Variants in NF2 observed in about 807,000 individuals in gnomAD.
The protein encoded by NF2 is merlin.
A neutral mutation model predicts 83.7 loss-of-function variants in NF2; 8 were observed. That is an observed-to-expected ratio of 0.10 (90% CI 0.06 to 0.17). The LOEUF is 0.17. Among genes scored for constraint, NF2 ranks in the 10% least tolerant of loss-of-function variants. The pLI is 1.00. For missense variants in NF2, 533 were observed against 744.4 expected, an observed-to-expected ratio of 0.72 and a Z score of 3.31; for synonymous variants, 266 against 269.6, an observed-to-expected ratio of 0.99 and a Z score of 0.13.
chr22:29,609,160 G>A, intron 1 of NF2: 1 of 752,314 alleles, frequency 1.3e-6, no homozygotes, highest in East Asian at 2.5e-5. Flanking sequence ...ATGGGATGAA[G>A]GTTGGCCTTG....
rs1357393320 is a variant in NF2 at position 29,695,323 on chromosome 22, G to T, written c.*521G>T. On this transcript the variant is annotated 3_prime_UTR_variant, in exon 16 of 16. Coordinates refer to ENST00000338641, the MANE Select transcript of NF2 (RefSeq NM_000268.4). The surrounding 1 kb of genome is among the most constrained non-coding windows in gnomAD (Gnocchi z 5.4). ...CGCCTGCCGGCTTCTCATCGTCAGGGAGCCCGCCCAGAGCTCGTGACGAGC... is the reference window on the plus strand; with the variant it reads ...CGCCTGCCGGCTTCTCATCGTCAGGTAGCCCGCCCAGAGCTCGTGACGAGC... The T allele has an allele frequency of 3.7e-6, 1 of 271,576 alleles. No individual in the cohort carries two copies. The highest frequency in any genetic ancestry group is 5.1e-5 in the East Asian group (1 of 19,722). The allele number at this position is 271,576 out of a possible 1,614,324, so 16.8% of individuals were successfully genotyped here. A position where few individuals can be genotyped will look rare whatever the true frequency, so the allele number is the denominator to read the frequency against.
At chr22:29,665,784 G>A (rs971904506) in intron 9 of NF2, among the ~76,000 whole-genome samples, 1 of 151,362 alleles carries the variant, frequency 6.6e-6, no homozygotes, top group Non-Finnish European at 1.5e-5. Flanking sequence ...AAAGAAAAAG[G>A]AAAAAAGAAA....
chr22:29,661,549 C>T (rs887528259), intron 8 of NF2, among the ~76,000 whole-genome samples: 1 of 152,214 alleles, frequency 6.6e-6, no homozygotes, highest in Admixed American at 6.5e-5. Flanking sequence ...CTGGGAAGCT[C>T]AACTGGCCAG....
chr22:29,670,593 G>A (rs1348022319), intron 10 of NF2, among the ~76,000 whole-genome samples: 3 of 151,780 alleles, frequency 2.0e-5, no homozygotes, highest in Admixed American at 2.0e-4. Context: ...TATGACCAGA[G>A]TGTGGGATAA....
intron 11 of NF2, among the ~76,000 whole-genome samples, chr22:29,672,179 G>T (rs1002189789): frequency 2.0e-5 from 3 of 152,148 alleles, no homozygotes; most frequent in African/African-American, 7.2e-5. Context: ...TTTATAGCAG[G>T]GCTTCTCAGC....
intron 6 of NF2, 110 bp from the exon 7 acceptor site, chr22:29,658,079 G>A: frequency 1.1e-6 from 1 of 945,664 alleles, no homozygotes; most frequent in Non-Finnish European, 1.7e-6. Context: ...TCTTCTGGCA[G>A]CGACGTGGCT....
At chr22:29,690,184 C>G (rs2067368766) in intron 15 of NF2, among the ~76,000 whole-genome samples, 1 of 152,202 alleles carries the variant, frequency 6.6e-6, no homozygotes, top group Non-Finnish European at 1.5e-5. Flanking sequence ...CCTCAGGTAG[C>G]AGTGAGGAGG....
At chr22:29,684,412 G>A (rs1466222771) in intron 15 of NF2, among the ~76,000 whole-genome samples, 1 of 152,128 alleles carries the variant, frequency 6.6e-6, no homozygotes, top group Non-Finnish European at 1.5e-5. Flanking sequence ...AGAAAACCCC[G>A]CTGCATTTCA....
chr22:29,655,811 C>G, intron 6 of NF2, 135 bp downstream of exon 6: 1 of 725,134 alleles, frequency 1.4e-6, no homozygotes, highest in Non-Finnish European at 2.4e-6. Flanking sequence ...AAGGGGAGAG[C>G]TGGGGAGCTG....
At chr22:29,653,597 A>G (rs1294361528) in intron 4 of NF2, among the ~76,000 whole-genome samples, 1 of 152,230 alleles carries the variant, frequency 6.6e-6, no homozygotes, top group Non-Finnish European at 1.5e-5. Context: ...GGAATGAGAC[A>G]TGATTTAAAG....
chr22:29,607,782 A>G (rs1421021390), intron 1 of NF2, among the ~76,000 whole-genome samples: 1 of 152,162 alleles, frequency 6.6e-6, no homozygotes, highest in East Asian at 1.9e-4. Context: ...GATGACAAAG[A>G]AGTAAAGGAT....
At chr22:29,669,070 A>G (rs2066709363) in intron 10 of NF2, among the ~76,000 whole-genome samples, 1 of 152,240 alleles carries the variant, frequency 6.6e-6, no homozygotes, top group Non-Finnish European at 1.5e-5. Flanking sequence ...TGGATAAACT[A>G]CTAGATAGAG....
At chr22:29,609,104 G>C (rs1569263356) in intron 1 of NF2, 2 of 748,278 alleles carry the variant, frequency 2.7e-6, no homozygotes, top group Non-Finnish European at 5.0e-6. Flanking sequence ...CTTTCATCTC[G>C]AGGAAACTGA....
intron 9 of NF2, among the ~76,000 whole-genome samples, chr22:29,666,904 A>G (rs1169144079): frequency 6.6e-6 from 1 of 152,074 alleles, no homozygotes; most frequent in Non-Finnish European, 1.5e-5. Flanking sequence ...TGAACCCAGG[A>G]GGTGGAGGTT....
intron 8 of NF2, among the ~76,000 whole-genome samples, chr22:29,661,808 T>C (rs2066486015): frequency 6.6e-6 from 1 of 152,128 alleles, no homozygotes; most frequent in Admixed American, 6.5e-5. Flanking sequence ...AGTGTGGTCT[T>C]TATTGAGCTT....
At chr22:29,618,300 G>GA (rs922464808) in intron 1 of NF2, among the ~76,000 whole-genome samples, 5 of 151,248 alleles carry the variant, frequency 3.3e-5, no homozygotes, top group African/African-American at 4.8e-5. Context: ...GATGCATTTT[G>GA]AAAAAAAAGG....
chr22:29,624,818 T>C (rs538343938), intron 1 of NF2, among the ~76,000 whole-genome samples: 12 of 129,818 alleles, frequency 9.2e-5, no homozygotes, highest in Admixed American at 8.0e-4. Flanking sequence ...TCTTTCTTTC[T>C]TTCTTTCTTT....
intron 11 of NF2, among the ~76,000 whole-genome samples, chr22:29,672,763 G>T (rs529728154): frequency 1.3e-5 from 2 of 150,418 alleles, no homozygotes; most frequent in South Asian, 4.2e-4. Flanking sequence ...TTACAGGTGC[G>T]CGCCAACACA....
intron 8 of NF2, 94 bp from the exon 9 acceptor site, chr22:29,664,896 T>C: frequency 1.2e-6 from 1 of 859,852 alleles, no homozygotes; most frequent in Non-Finnish European, 2.0e-6. Context: ...CATGCTGGTC[T>C]GTGGCCAGTG....
Sources: gnomAD v4.1 joint callset for allele counts (sites outside exome capture counted in the v4.1 genomes callset) on GRCh38, gnomAD v4.1.1 for gene constraint, Gnocchi (gnomAD v3.1) non-coding constraint, MANE v1.5 for transcripts, NCBI Gene and HGNC (gene_info 2026-07-23, HGNC 2026-07-21) for gene names.